TTLL11: variants seen among roughly 807,000 people sequenced by gnomAD.
The protein encoded by TTLL11 is tubulin polyglutamylase TTLL11.
Under a neutral mutation model 51.7 loss-of-function variants are expected in TTLL11, and 42 were observed. The ratio of observed to expected loss-of-function variants is 0.81; its 90% CI spans 0.64 to 1.05. The LOEUF (loss-of-function observed/expected upper bound fraction) is 1.05. Ranked by LOEUF, TTLL11 falls within the 50% of genes least tolerant of loss-of-function variation. The pLI is 0.00. For missense variants in TTLL11, 799 were observed against 940.4 expected (o/e 0.85, Z 1.97); for synonymous variants, 381 against 383.5 (o/e 0.99, Z 0.08).
At chr9:122,042,622 T>C (rs1271126934) in intron 1 of TTLL11, among the ~76,000 whole-genome samples, 1 of 152,222 alleles carries the variant, frequency 6.6e-6, no homozygotes, top group African/African-American at 2.4e-5. Context: ...AATCTGCACA[T>C]GAATGTTTAT....
chr9:122,082,804 G>A (rs564493996), intron 1 of TTLL11, among the ~76,000 whole-genome samples: 3 of 152,118 alleles, frequency 2.0e-5, no homozygotes, highest in East Asian at 1.9e-4. Flanking sequence ...AGGCTGAGGC[G>A]GGAGAATCAC....
intron 7 of TTLL11, among the ~76,000 whole-genome samples, chr9:121,865,315 G>C (rs1223203414): frequency 3.3e-5 from 5 of 152,142 alleles, no homozygotes; most frequent in African/African-American, 1.2e-4. Context: ...GGAGTGGAAG[G>C]GGAAAGGGGA....
rs1343321035 is a variant in TTLL11, at chr9:121,989,879, T to G, written c.694-109A>C. ...GGTGAATGAGTGACAAGATGATCCCTGCCGATCTGAGCAGGGGCTGAGCAT... is the reference window on the plus strand; with the variant it reads ...GGTGAATGAGTGACAAGATGATCCCGGCCGATCTGAGCAGGGGCTGAGCAT... On this transcript the variant is annotated intron_variant, in intron 3 of 8. Transcript: ENST00000321582. This position sits in a 1 kb window ranked among gnomAD's most constrained non-coding sequence, Gnocchi z 4.2. 6.6e-7 allele frequency: 1 copy of G among 1,505,206 alleles called. No individual in the cohort carries two copies. The highest frequency in any genetic ancestry group is 8.8e-7 in the Non-Finnish European group (1 of 1,136,702). 93.2% of individuals were successfully genotyped at this position (1,505,206 alleles called of 1,614,324 possible).
rs141577207 is a variant in TTLL11, at chr9:121,859,499, C to T, written c.1840+838G>A. On this transcript the variant is annotated intron_variant, in intron 8 of 8. Coordinates refer to ENST00000321582, the MANE Select transcript of TTLL11 (RefSeq NM_001139442.2). Reference sequence around the variant, plus strand: ...CAGCCTGGGCAACAGAGTGAGACTCCGTCTCAAAGACAAACAAAAAACAAA... The same window carrying T: ...CAGCCTGGGCAACAGAGTGAGACTCTGTCTCAAAGACAAACAAAAAACAAA... Among the ~76,000 whole-genome samples, 88 of 152,130 alleles carry T rather than the reference C, an allele frequency of 5.8e-4. 1 individual carries two copies. The East Asian group carries it at 0.014, about 25-fold the overall frequency.
At chr9:121,887,220 C>T (rs1364788192) in intron 6 of TTLL11, among the ~76,000 whole-genome samples, 1 of 152,192 alleles carries the variant, frequency 6.6e-6, no homozygotes, top group Non-Finnish European at 1.5e-5. Context: ...GCCCATCAAA[C>T]TCTTTGAGAA....
chr9:121,862,245 G>C (rs1838035456), intron 7 of TTLL11, among the ~76,000 whole-genome samples: 1 of 151,990 alleles, frequency 6.6e-6, no homozygotes, highest in Non-Finnish European at 1.5e-5. Flanking sequence ...CATGATTTAG[G>C]CATCAGACAG....
chr9:122,078,931 C>A (rs911300332), intron 1 of TTLL11, among the ~76,000 whole-genome samples: 1 of 152,078 alleles, frequency 6.6e-6, no homozygotes. Flanking sequence ...CTCATTCTTA[C>A]GAAGAAAGTT....
chr9:121,857,505 G>A (rs1160664151), intron 8 of TTLL11, among the ~76,000 whole-genome samples: 1 of 152,176 alleles, frequency 6.6e-6, no homozygotes, highest in African/African-American at 2.4e-5. Context: ...TGCCCACCTC[G>A]AAGGCCTGGC....
intron 6 of TTLL11, among the ~76,000 whole-genome samples, chr9:121,893,920 T>C (rs1309564684): frequency 6.6e-6 from 1 of 152,192 alleles, no homozygotes; most frequent in East Asian, 1.9e-4. Flanking sequence ...GAGAAAAATG[T>C]AAGTATCATC....
intron 4 of TTLL11, among the ~76,000 whole-genome samples, chr9:121,984,414 T>C (rs1037588110): frequency 4.6e-5 from 7 of 152,192 alleles, no homozygotes; most frequent in Non-Finnish European, 4.4e-5. Context: ...TCTTCCTAGT[T>C]TGCTCTTATT....
At chr9:121,942,364 C>T (rs967406665) in intron 6 of TTLL11, among the ~76,000 whole-genome samples, 1 of 152,200 alleles carries the variant, frequency 6.6e-6, no homozygotes. Context: ...AAATAGTTTC[C>T]CAGGCACTAA....
At chr9:121,963,106 G>A (rs770432997) in intron 6 of TTLL11, among the ~76,000 whole-genome samples, 1 of 151,270 alleles carries the variant, frequency 6.6e-6, no homozygotes, top group Admixed American at 6.6e-5. Context: ...TCCAAGCCTC[G>A]ATGTCCTCAT....
chr9:121,935,035 A>G (rs1841146477), intron 6 of TTLL11, among the ~76,000 whole-genome samples: 1 of 151,764 alleles, frequency 6.6e-6, no homozygotes, highest in Non-Finnish European at 1.5e-5. Context: ...GCTCACTGCA[A>G]CCTCCACCTC....
rs554379742 is a variant in TTLL11, at chr9:121,916,420, G to C, written c.1482-45672C>G. 8.5e-4 allele frequency among the ~76,000 whole-genome samples: 130 copies of C among 152,272 alleles called. No homozygotes were observed. In the Middle Eastern group the frequency reaches 0.01, roughly 12 times the overall value. On this transcript the variant is annotated intron_variant, in intron 6 of 8. Coordinates refer to ENST00000321582, the MANE Select transcript of TTLL11 (RefSeq NM_001139442.2). ...TGAGGCTGGGGTTGAGGGATAAGCT[G>C]AGGGAAGATTTGCCTTTCAATCTAT...
intron 6 of TTLL11, among the ~76,000 whole-genome samples, chr9:121,969,366 G>A (rs1040681234): frequency 1.3e-5 from 2 of 152,128 alleles, no homozygotes; most frequent in East Asian, 1.9e-4. Flanking sequence ...TTCTTCCCCC[G>A]GTAGACTGCC....
intron 1 of TTLL11, among the ~76,000 whole-genome samples, chr9:122,064,802 G>A (rs1845531420): frequency 6.6e-6 from 1 of 152,170 alleles, no homozygotes; most frequent in African/African-American, 2.4e-5. Context: ...GGAGAGAAAG[G>A]AGAACAATTT....
intron 1 of TTLL11, among the ~76,000 whole-genome samples, chr9:122,058,603 G>A (rs1197282644): frequency 1.3e-5 from 2 of 152,160 alleles, no homozygotes; most frequent in African/African-American, 4.8e-5. Flanking sequence ...AGCAATAACT[G>A]CTCAAATATG....
chr9:121,977,864 G>A (rs540970736), intron 4 of TTLL11, among the ~76,000 whole-genome samples: 54 of 151,782 alleles, frequency 3.6e-4, no homozygotes, highest in Non-Finnish European at 6.3e-4. Context: ...TAGTAGAGAC[G>A]GGGTTTCACC....
At chr9:121,928,543 C>T (rs1339658141) in intron 6 of TTLL11, among the ~76,000 whole-genome samples, 1 of 151,424 alleles carries the variant, frequency 6.6e-6, no homozygotes, top group African/African-American at 2.4e-5. Context: ...TGGGTTCAAG[C>T]GATTCCCCTG....
Sources: allele counts gnomAD v4.1 joint callset (sites outside exome capture counted in the v4.1 genomes callset), GRCh38; gene constraint gnomAD v4.1.1; non-coding constraint Gnocchi (gnomAD v3.1); transcripts MANE v1.5; gene names NCBI Gene and HGNC (gene_info 2026-07-23, HGNC 2026-07-21).